Variants in ANKRD30B observed in about 807,000 individuals in gnomAD.
ANKRD30B encodes ankyrin repeat domain-containing protein 30B.
Under a neutral mutation model 202.2 loss-of-function variants are expected in ANKRD30B, and 144 were observed. The ratio of observed to expected loss-of-function variants is 0.71; its 90% CI spans 0.62 to 0.82. The LOEUF is 0.82. ANKRD30B is among the 40% of genes least tolerant of loss of function. The probability of loss-of-function intolerance (pLI) is 0.00; values close to 1 mark genes in which losing one functional copy is unlikely to be tolerated. For synonymous variants in ANKRD30B, 508 were observed against 561.3 expected (o/e 0.91, Z 1.34); for missense variants, 1,487 against 1,669.1 (o/e 0.89, Z 1.90).
At position 14,821,155 on chromosome 18, in the gene ANKRD30B, G is replaced by T. The variant is rs578184710; in HGVS notation, c.2642-1328G>T. On this transcript the variant is annotated intron_variant, in intron 30 of 43. Transcript: ENST00000690538. Reference sequence around the variant, plus strand: ...GATTTTCTAGTTTATTTGCGTAGAGGTGTTTGTAGTATTCTCTGATGGTAG... The same window carrying T: ...GATTTTCTAGTTTATTTGCGTAGAGTTGTTTGTAGTATTCTCTGATGGTAG... 2.0e-5 allele frequency among the ~76,000 whole-genome samples: 3 copies of T among 152,248 alleles called. No individual in the cohort carries two copies. In the South Asian group the frequency reaches 6.2e-4, roughly 32 times the overall value.
intron 28 of ANKRD30B, among the ~76,000 whole-genome samples, chr18:14,811,502 C>T (rs1242532783): frequency 4.7e-5 from 7 of 150,112 alleles, no homozygotes; most frequent in Non-Finnish European, 8.9e-5. Flanking sequence ...TGAGCCACCG[C>T]GCCCGGCCCA....
chr18:14,759,482 G>A (rs1232845838), intron 5 of ANKRD30B, among the ~76,000 whole-genome samples: 6 of 152,188 alleles, frequency 3.9e-5, no homozygotes, highest in Non-Finnish European at 7.3e-5. Context: ...AGGCCTCTCA[G>A]AAATGAGAAA....
the ANKRD30B span, among the ~76,000 whole-genome samples, chr18:14,879,791 G>C: frequency 4.0e-5 from 6 of 151,762 alleles, no homozygotes; most frequent in Non-Finnish European, 8.8e-5. Flanking sequence ...CAGGGGTTAA[G>C]GGTCAGGGTC....
At chr18:14,776,682 C>T (rs532719477) in intron 9 of ANKRD30B, among the ~76,000 whole-genome samples, 9 of 152,278 alleles carry the variant, frequency 5.9e-5, no homozygotes, top group South Asian at 2.1e-4. Flanking sequence ...TTCACGAACA[C>T]GTTTTTATTT....
intron 8 of ANKRD30B, among the ~76,000 whole-genome samples, chr18:14,770,676 G>C (rs1173681346): frequency 6.6e-6 from 1 of 152,162 alleles, no homozygotes; most frequent in Non-Finnish European, 1.5e-5. Context: ...AGATAAATTA[G>C]AGGATCAAAA....
chr18:14,887,991 A>G, the ANKRD30B span, among the ~76,000 whole-genome samples: 2 of 152,104 alleles, frequency 1.3e-5, no homozygotes, highest in East Asian at 1.9e-4. Context: ...ATTATCATCA[A>G]TCACTGTTGC....
At position 14,831,418 on chromosome 18, in the gene ANKRD30B, C is replaced by T; in HGVS notation, c.2810C>T (p.Ser937Phe). Reference sequence around the variant, plus strand: ...AAACCGACTACTGAAAATTCACAGTCTACAAAAGTTGAGGAAGACTTTAAT... The same window carrying T: ...AAACCGACTACTGAAAATTCACAGTTTACAAAAGTTGAGGAAGACTTTAAT... ...FGKPTTENSQ[S>F]TKVEEDFNLT... Residue 937 changes from serine (S) to phenylalanine (F), a missense_variant, in exon 34 of 44, where the codon TCT becomes TTT. This residue lies in a region of ANKRD30B where 218 missense variants were observed against 320.1 expected (regional missense o/e 0.68). Transcript: ENST00000690538. 2.0e-6 allele frequency: 3 copies of T among 1,533,560 alleles called. No homozygotes were observed. The highest frequency in any genetic ancestry group is 2.6e-6 in the Non-Finnish European group (3 of 1,138,612). 95.0% of individuals were successfully genotyped at this position (1,533,560 alleles called of 1,614,324 possible). A position where few individuals can be genotyped will look rare whatever the true frequency, so the allele number is the denominator to read the frequency against.
chr18:14,840,595 C>CTGTGAGTGATACACAGAAT lies in ANKRD30B; in HGVS notation c.2998_3016dup (p.Tyr1006CysfsTer3), dbSNP rs1568066535. On this transcript the variant is annotated frameshift_variant, in exon 37 of 44. Coordinates refer to ENST00000690538, the MANE Select transcript of ANKRD30B (RefSeq NM_001367607.2). LOFTEE classifies it high-confidence loss of function. ...TAATATTATCTTTAACAGATTATCT[C>CTGTGAGTGATACACAGAAT]TGTGAGTGATACACAGAATTATGAG... 6 of 1,456,702 alleles carry CTGTGAGTGATACACAGAAT rather than the reference C, an allele frequency of 4.1e-6. No individual in the cohort carries two copies. The highest frequency in any genetic ancestry group is 2.9e-5 in the African/African-American group (2 of 69,646). 90.2% of individuals were successfully genotyped at this position (1,456,702 alleles called of 1,614,324 possible). A position where few individuals can be genotyped will look rare whatever the true frequency, so the allele number is the denominator to read the frequency against.
chr18:14,862,001 C>T, the ANKRD30B span, among the ~76,000 whole-genome samples: 1 of 152,120 alleles, frequency 6.6e-6, no homozygotes, highest in African/African-American at 2.4e-5. Context: ...CACAGAGGTA[C>T]ATGGAAACTA....
the ANKRD30B span, among the ~76,000 whole-genome samples, chr18:14,902,566 T>C: frequency 2.0e-5 from 3 of 152,184 alleles, no homozygotes; most frequent in Non-Finnish European, 4.4e-5. Flanking sequence ...TCTAAAACTT[T>C]ATTTTGCAAA....
At chr18:14,940,126 C>T in the ANKRD30B span, among the ~76,000 whole-genome samples, 1 of 152,200 alleles carries the variant, frequency 6.6e-6, no homozygotes, top group African/African-American at 2.4e-5. Flanking sequence ...TATGTCTCAT[C>T]TCACCCAGGG....
chr18:14,790,246 T>A (rs1968381837), intron 15 of ANKRD30B, among the ~76,000 whole-genome samples: 1 of 152,196 alleles, frequency 6.6e-6, no homozygotes. Flanking sequence ...TTTTGTATCC[T>A]GAGATTTTGC....
At chr18:14,837,158 T>A in intron 34 of ANKRD30B, 53 bp from the exon 35 acceptor site, 1 of 1,229,874 alleles carries the variant, frequency 8.1e-7, no homozygotes, top group East Asian at 2.6e-5. Context: ...TAAATACAAT[T>A]TTTTTCTGAA....
intron 40 of ANKRD30B, among the ~76,000 whole-genome samples, chr18:14,849,192 T>A (rs1200791592): frequency 1.3e-5 from 2 of 151,956 alleles, no homozygotes; most frequent in African/African-American, 4.8e-5. Flanking sequence ...CAAATTAATT[T>A]TTTTGATTTT....
chr18:14,782,617 A>G lies in ANKRD30B; in HGVS notation c.1570+3A>G, dbSNP rs1455986932. The G allele has an allele frequency of 3.2e-6, 5 of 1,551,366 alleles. No individual in the cohort carries two copies. The Middle Eastern group carries it at 6.8e-4, about 212-fold the overall frequency. ...GGAGATAAATAGAGAAGTAGAAGGT[A>G]AGAACAACTTTTTATTTGAAAAGTC... On this transcript the variant is annotated splice_donor_region_variant and intron_variant, in intron 12 of 43. Coordinates refer to ENST00000690538, the MANE Select transcript of ANKRD30B (RefSeq NM_001367607.2).
intron 9 of ANKRD30B, among the ~76,000 whole-genome samples, chr18:14,774,784 A>T (rs1967245543): frequency 6.6e-6 from 1 of 152,140 alleles, no homozygotes; most frequent in Non-Finnish European, 1.5e-5. Flanking sequence ...ACAATACTAT[A>T]AACTACGTAA....
intron 15 of ANKRD30B, 151 bp from the exon 16 acceptor site, chr18:14,791,250 T>G: frequency 1.7e-6 from 1 of 600,242 alleles, no homozygotes. Flanking sequence ...TATCAAAATG[T>G]TTTGATTTTC....
At chr18:14,754,048 A>T (rs1314347111) in intron 3 of ANKRD30B, among the ~76,000 whole-genome samples, 1 of 152,140 alleles carries the variant, frequency 6.6e-6, no homozygotes, top group Admixed American at 6.6e-5. Flanking sequence ...TTTATACTGA[A>T]TTTCTAATAG....
rs1005408803 is a variant in ANKRD30B at position 14,748,366 on chromosome 18, G to C, written c.-54G>C. Reference sequence around the variant, plus strand: ...CGGGAAGCGAGGGCGAGGGGTAGGGGCTGGGGAAGGGCGAGCGGGAGGCGC... The same window carrying C: ...CGGGAAGCGAGGGCGAGGGGTAGGGCCTGGGGAAGGGCGAGCGGGAGGCGC... On this transcript the variant is annotated 5_prime_UTR_variant, in exon 1 of 44. Coordinates refer to ENST00000690538, the MANE Select transcript of ANKRD30B (RefSeq NM_001367607.2). 2 of 1,390,206 alleles carry C rather than the reference G, an allele frequency of 1.4e-6. No individual in the cohort carries two copies. The highest frequency in any genetic ancestry group is 2.9e-5 in the African/African-American group (2 of 68,044). The allele number at this position is 1,390,206 out of a possible 1,614,324, so 86.1% of individuals were successfully genotyped here.
Sources: gnomAD v4.1 joint callset for allele counts (sites outside exome capture counted in the v4.1 genomes callset) on GRCh38, gnomAD v4.1.1 for gene constraint, gnomAD v4.1.1 regional missense constraint, MANE v1.5 for transcripts, NCBI Gene and HGNC (gene_info 2026-07-23, HGNC 2026-07-21) for gene names.